CCDC7: variants seen among roughly 807,000 people sequenced by gnomAD.
CCDC7 encodes the protein coiled-coil domain-containing protein 7.
In CCDC7, 183 loss-of-function variants were observed where a neutral mutation model predicts 196.9. That is an observed-to-expected ratio of 0.93 (90% confidence interval 0.82 to 1.05). The LOEUF is 1.05. Among genes scored for constraint, CCDC7 ranks in the 50% least tolerant of loss-of-function variants. The pLI, the probability that CCDC7 is intolerant of heterozygous loss-of-function variation, is 0.00. For missense variants in CCDC7, 1,540 were observed against 1,482.2 expected (o/e 1.04, Z -0.64); for synonymous variants, 525 against 484.6 (o/e 1.08, Z -1.10).
rs57829018 is a variant in CCDC7, at chr10:32,681,738, T to TACACACACACAC, written c.2123-4196_2123-4185dup. Among the ~76,000 whole-genome samples, 726 of 137,612 alleles carry TACACACACACAC rather than the reference T, an allele frequency of 5.3e-3. 12 individuals are homozygous for TACACACACACAC. Among genetic ancestry groups the TACACACACACAC allele is most frequent in the African/African-American group, 0.018 (636 of 35,112 alleles). The allele number at this position is 137,612 out of a possible 152,430, so 90.3% of individuals were successfully genotyped here. A position where few individuals can be genotyped will look rare whatever the true frequency, so the allele number is the denominator to read the frequency against. On this transcript the variant is annotated intron_variant, in intron 21 of 41. Transcript: ENST00000639629. ...GGATTCTTCAGTGTATTTATATGTATACACACACACACACACACACACACA... is the reference window on the plus strand; with the variant it reads ...GGATTCTTCAGTGTATTTATATGTATACACACACACACACACACACACACACACACACACACA...
intron 20 of CCDC7, among the ~76,000 whole-genome samples, chr10:32,661,654 A>G (rs2071476962): frequency 1.3e-5 from 2 of 151,994 alleles, no homozygotes; most frequent in African/African-American, 4.8e-5. Flanking sequence ...TTGGCCCAGG[A>G]TGTGTCTAGA....
exon 35 of CCDC7, chr10:32,845,554 A>G: frequency 6.2e-7 from 1 of 1,610,642 alleles, no homozygotes; most frequent in Non-Finnish European, 8.5e-7. Flanking sequence ...GACTGATAAG[A>G]ACTTCTTTGC....
chr10:32,507,589 T>C (rs1202001422), intron 9 of CCDC7, among the ~76,000 whole-genome samples: 3 of 152,130 alleles, frequency 2.0e-5, no homozygotes, highest in Admixed American at 2.0e-4. Flanking sequence ...TAGCTGGAAT[T>C]ACAGGCACCT....
intron 11 of CCDC7, among the ~76,000 whole-genome samples, chr10:32,526,308 G>A (rs2048669832): frequency 6.6e-6 from 1 of 152,142 alleles, no homozygotes; most frequent in African/African-American, 2.4e-5. Context: ...ACCCTTCAGG[G>A]CAGTGGGTTC....
intron 23 of CCDC7, among the ~76,000 whole-genome samples, chr10:32,692,702 AAGT>A (rs1400868251): frequency 8.5e-5 from 13 of 152,232 alleles, no homozygotes; most frequent in African/African-American, 3.1e-4. Context: ...GCCAAACTCA[AAGT>A]AACAATTAAC....
chr10:32,670,886 C>T (rs186355391), intron 21 of CCDC7, among the ~76,000 whole-genome samples: 1 of 151,322 alleles, frequency 6.6e-6, no homozygotes, highest in Non-Finnish European at 1.5e-5. Context: ...TCCTTAGTTC[C>T]TTGTGGTGTA....
At chr10:32,554,303 G>C (rs2053995972) in intron 13 of CCDC7, among the ~76,000 whole-genome samples, 1 of 152,228 alleles carries the variant, frequency 6.6e-6, no homozygotes, top group Non-Finnish European at 1.5e-5. Flanking sequence ...CTGCACACCA[G>C]ATTTGTGCCC....
In CCDC7 at chr10:32,544,260, G is replaced by T; in HGVS notation, c.1093G>T (p.Glu365Ter). 1 of 1,606,242 alleles carries T rather than the reference G, an allele frequency of 6.2e-7. No individual in the cohort carries two copies. Residue 365 changes from glutamate to a stop codon, truncating the protein, a stop_gained, in exon 13 of 42, where the codon GAA (glutamate) becomes TAA (stop). Coordinates refer to ENST00000639629, the Ensembl canonical transcript of CCDC7. LOFTEE classifies it high-confidence loss of function. The stretch of plus-strand genomic sequence containing the variant: ...TTTATGTTACAGGAAGATGTCTCCA[G>T]AAAAAGAGTTTAAAATAAAAGAAGA...
At chr10:32,713,501 A>G (rs2081141216) in intron 25 of CCDC7, among the ~76,000 whole-genome samples, 2 of 152,234 alleles carry the variant, frequency 1.3e-5, no homozygotes, top group East Asian at 1.9e-4. Context: ...AGATCCCACA[A>G]TGTATCACTC....
At chr10:32,847,728 GAAAAGAAAAGA>G in intron 37 of CCDC7, 94 bp from the exon 39 acceptor site, 1 of 695,638 alleles carries the variant, frequency 1.4e-6, no homozygotes, top group East Asian at 2.9e-5. Flanking sequence ...AAAAAAAAAG[GAAAAGAAAAGA>G]AAAAGAAATT....
At chr10:32,482,578 A>G (rs971178054) in intron 8 of CCDC7, among the ~76,000 whole-genome samples, 3 of 152,230 alleles carry the variant, frequency 2.0e-5, no homozygotes, top group African/African-American at 7.2e-5. Context: ...TACATGTGCC[A>G]TGTTGGTGTG....
intron 9 of CCDC7, chr10:32,499,394 A>G (rs1254546413): frequency 6.6e-6 from 1 of 152,144 alleles, no homozygotes; most frequent in African/African-American, 2.4e-5. Context: ...TTTGTTTTCT[A>G]AAATTATTGT....
intron 20 of CCDC7, among the ~76,000 whole-genome samples, chr10:32,659,291 T>G (rs1054360686): frequency 6.6e-6 from 1 of 152,238 alleles, no homozygotes; most frequent in Admixed American, 6.5e-5. Flanking sequence ...CATTGACTCA[T>G]TGGTTATCCA....
intron 41 of CCDC7, among the ~76,000 whole-genome samples, chr10:32,873,221 G>A (rs892748553): frequency 1.3e-5 from 2 of 152,086 alleles, no homozygotes; most frequent in Admixed American, 6.5e-5. Flanking sequence ...ATATTTCTTG[G>A]AGTCTTTGTT....
rs73264317 is a variant in CCDC7, at chr10:32,851,952, G to A, written c.4021+20G>A. ...CTTCAGGTAATTTTTAATATTTTTAGTGTACAGTGTGATTTTTAAAATAAA... is the reference window on the plus strand; with the variant it reads ...CTTCAGGTAATTTTTAATATTTTTAATGTACAGTGTGATTTTTAAAATAAA... On this transcript the variant is annotated intron_variant, in intron 40 of 41. Transcript: ENST00000639629. 1.0e-3 allele frequency: 1,576 copies of A among 1,569,090 alleles called. 23 individuals carry two copies. In the African/African-American group the frequency reaches 0.019, roughly 19 times the overall value.
chr10:32,713,887 C>T (rs985488187), intron 25 of CCDC7, among the ~76,000 whole-genome samples: 10 of 152,228 alleles, frequency 6.6e-5, no homozygotes, highest in African/African-American at 1.9e-4. Context: ...ATCTGATTGA[C>T]ATGACCTTAG....
intron 9 of CCDC7, among the ~76,000 whole-genome samples, chr10:32,514,969 C>T (rs1286350896): frequency 6.6e-6 from 1 of 152,152 alleles, no homozygotes; most frequent in African/African-American, 2.4e-5. Context: ...GGACTACAGG[C>T]ATGAACCACC....
At chr10:32,700,530 C>T (rs558885157) in intron 24 of CCDC7, among the ~76,000 whole-genome samples, 4 of 152,240 alleles carry the variant, frequency 2.6e-5, no homozygotes, top group East Asian at 1.9e-4. Flanking sequence ...ATTGACTTGG[C>T]GATGCGGGCT....
At chr10:32,634,224 T>A in intron 18 of CCDC7, 30 bp from the exon 20 acceptor site, 3 of 990,496 alleles carry the variant, frequency 3.0e-6, no homozygotes, top group Non-Finnish European at 3.9e-6. Context: ...CTTTCTCTAT[T>A]TGGTAGACTA....
Sources: gnomAD v4.1 joint callset for allele counts (sites outside exome capture counted in the v4.1 genomes callset) on GRCh38, gnomAD v4.1.1 for gene constraint, MANE v1.5 for transcripts, NCBI Gene and HGNC (gene_info 2026-07-23, HGNC 2026-07-21) for gene names.